TMEM164: variants seen among roughly 807,000 people sequenced by gnomAD.
TMEM164 encodes RP13-360B22.2.
TMEM164 carries 4 observed loss-of-function variants against 18.8 expected under a neutral mutation model. That is an observed-to-expected ratio of 0.21 (90% CI 0.10 to 0.49). TMEM164 has a LOEUF of 0.49. TMEM164 is among the 20% of genes least tolerant of loss of function. The probability of loss-of-function intolerance (pLI) is 0.98; values close to 1 mark genes in which losing one functional copy is unlikely to be tolerated. For synonymous variants in TMEM164, 86 were observed against 101.7 expected (o/e 0.85, Z 0.93); for missense variants, 108 against 239.9 (o/e 0.45, Z 3.63).
chrX:110,044,515 C>A (rs1323485997), intron 2 of TMEM164, among the ~76,000 whole-genome samples: 1 of 106,350 alleles, frequency 9.4e-6, no homozygotes, highest in Non-Finnish European at 1.9e-5. Flanking sequence ...TCATAGCTCA[C>A]TGCAACCATG....
At chrX:110,143,925 T>C (rs1375128462) in intron 4 of TMEM164, among the ~76,000 whole-genome samples, 1 of 111,144 alleles carries the variant, frequency 9.0e-6, no homozygotes, top group Non-Finnish European at 1.9e-5. Flanking sequence ...AGAATTGAGT[T>C]AGCCACCCAA....
chrX:110,137,127 A>G (rs2066702179), intron 4 of TMEM164, among the ~76,000 whole-genome samples: 1 of 112,011 alleles, frequency 8.9e-6, no homozygotes, highest in African/African-American at 3.3e-5. Flanking sequence ...ATACATGTAT[A>G]TCATTTGCCT....
chrX:110,162,008 A>T (rs1267969771), intron 5 of TMEM164, among the ~76,000 whole-genome samples: 2 of 112,953 alleles, frequency 1.8e-5, no homozygotes, highest in East Asian at 5.6e-4. Flanking sequence ...AGAAACTCTA[A>T]TCAGAAACTC....
At chrX:110,152,807 C>T (rs746388351) in intron 5 of TMEM164, among the ~76,000 whole-genome samples, 5 of 111,518 alleles carry the variant, frequency 4.5e-5, no homozygotes, top group Non-Finnish European at 9.4e-5. Flanking sequence ...TGTGTGATCT[C>T]TCTCCAGCCA....
chrX:110,030,095 T>C (rs1450837730), intron 2 of TMEM164, among the ~76,000 whole-genome samples: 1 of 104,206 alleles, frequency 9.6e-6, no homozygotes, highest in African/African-American at 3.5e-5. Context: ...TTTCTCTCTC[T>C]TTTTCTCTGT....
At chrX:110,046,508 G>T in intron 2 of TMEM164, 3 of 745,081 alleles carry the variant, frequency 4.0e-6, no homozygotes, top group Non-Finnish European at 4.8e-6. Context: ...AAAAAGGTGG[G>T]ATGGGGCCAA....
chrX:110,129,155 T>G (rs777344261), intron 4 of TMEM164, among the ~76,000 whole-genome samples: 1 of 112,174 alleles, frequency 8.9e-6, no homozygotes, highest in Non-Finnish European at 1.9e-5. Context: ...TACATTCACT[T>G]TTCAAATACA....
intron 2 of TMEM164, among the ~76,000 whole-genome samples, chrX:110,013,903 A>T (rs1349995235): frequency 9.0e-6 from 1 of 111,629 alleles, no homozygotes; most frequent in African/African-American, 3.3e-5. Flanking sequence ...ATAGTGGTGT[A>T]TTGGGTAAGA....
chrX:110,148,128 A>T (rs1329567907), intron 5 of TMEM164, among the ~76,000 whole-genome samples: 3 of 110,258 alleles, frequency 2.7e-5, no homozygotes, highest in Non-Finnish European at 5.7e-5. Flanking sequence ...ACCATTGCTC[A>T]ATTTATTTTC....
intron 3 of TMEM164, among the ~76,000 whole-genome samples, chrX:110,088,747 T>C (rs2065887440): frequency 8.9e-6 from 1 of 112,178 alleles, no homozygotes; most frequent in African/African-American, 3.2e-5. Context: ...ATATACTCAG[T>C]TTTATCTTCT....
chrX:110,115,088 A>G (rs1381545181), intron 4 of TMEM164, among the ~76,000 whole-genome samples: 2 of 111,558 alleles, frequency 1.8e-5, no homozygotes, highest in African/African-American at 3.3e-5. Context: ...CACAAACACT[A>G]TATTGATGTT....
At chrX:110,011,721 C>A (rs1211390303) in intron 2 of TMEM164, among the ~76,000 whole-genome samples, 1 of 111,781 alleles carries the variant, frequency 8.9e-6, no homozygotes, top group Non-Finnish European at 1.9e-5. Context: ...CATAGCAATT[C>A]TGAGCAGGTC....
chrX:110,034,963 C>A (rs1003555321), intron 2 of TMEM164, among the ~76,000 whole-genome samples: 1 of 102,864 alleles, frequency 9.7e-6, no homozygotes, highest in Non-Finnish European at 2.0e-5. Flanking sequence ...AGTAAACTAT[C>A]GCAAGAACAA....
At chrX:110,109,379 A>G (rs1477844850) in intron 4 of TMEM164, among the ~76,000 whole-genome samples, 3 of 111,614 alleles carry the variant, frequency 2.7e-5, no homozygotes, top group Non-Finnish European at 5.6e-5. Flanking sequence ...TTAGCCAAGC[A>G]TGGTGGTATT....
intron 4 of TMEM164, among the ~76,000 whole-genome samples, chrX:110,136,967 G>A (rs758846592): frequency 3.9e-4 from 44 of 111,817 alleles, no homozygotes; most frequent in South Asian, 7.5e-4. Context: ...CTGAGGACCA[G>A]GGGTCCACCA....
chrX:110,152,101 G>C (rs765528184), intron 5 of TMEM164, among the ~76,000 whole-genome samples: 21 of 99,780 alleles, frequency 2.1e-4, no homozygotes, highest in African/African-American at 6.1e-4. Flanking sequence ...CTGTTGCCAG[G>C]CTGGAGTGCA....
chrX:110,122,452 C>A (rs943621365), intron 4 of TMEM164, among the ~76,000 whole-genome samples: 1 of 102,125 alleles, frequency 9.8e-6, no homozygotes, highest in Non-Finnish European at 2.0e-5. Flanking sequence ...GGAGGGATAG[C>A]TTTAGGAGAT....
intron 3 of TMEM164, 139 bp from the exon 4 acceptor site, chrX:110,108,941 C>A: frequency 3.7e-6 from 2 of 541,615 alleles, no homozygotes; most frequent in Non-Finnish European, 6.3e-6. Context: ...TTTGTGCAAA[C>A]TCCAGTGCCA....
chrX:110,047,629 G>A (rs1195509187), intron 2 of TMEM164, among the ~76,000 whole-genome samples: 1 of 112,221 alleles, frequency 8.9e-6, no homozygotes, highest in Non-Finnish European at 1.9e-5. Context: ...TGATTATAGT[G>A]TTGAGTCTTT....
Sources: gnomAD v4.1 joint callset for allele counts (sites outside exome capture counted in the v4.1 genomes callset) on GRCh38, gnomAD v4.1.1 for gene constraint, MANE v1.5 for transcripts, NCBI Gene and HGNC (gene_info 2026-07-23, HGNC 2026-07-21) for gene names.